The following WDR31 variants were observed in gnomAD, a reference collection of about 807,000 sequenced individuals.
WDR31 encodes the protein WD repeat domain 31.
Under a neutral mutation model 47.3 loss-of-function variants are expected in WDR31, and 30 were observed. The ratio of observed to expected loss-of-function variants is 0.63; its 90% CI spans 0.47 to 0.86. The LOEUF (loss-of-function observed/expected upper bound fraction) is 0.86, where lower values mean the gene tolerates loss of function less well. Ranked by LOEUF, WDR31 falls within the 40% of genes least tolerant of loss-of-function variation. The probability of loss-of-function intolerance (pLI) is 0.00; values close to 1 mark genes in which losing one functional copy is unlikely to be tolerated. For missense variants in WDR31, 406 were observed against 442.9 expected (o/e 0.92, Z 0.75); for synonymous variants, 137 against 159.4 (o/e 0.86, Z 1.06).
intron 5 of WDR31, among the ~76,000 whole-genome samples, chr9:113,324,637 G>C (rs1299208304): frequency 1.3e-5 from 2 of 151,958 alleles, no homozygotes; most frequent in African/African-American, 4.8e-5. Context: ...TGATCTACCT[G>C]CCTGGGCCTC....
At position 113,323,173 on chromosome 9, in the gene WDR31, A is replaced by G. The variant is rs746613219; in HGVS notation, c.325-18T>C. ...CAGGCTACCTGCTCAGGGAAAAAAC[A>G]ACAACACTGAAATAGCTCTGGTATG... On this transcript the variant is annotated intron_variant, in intron 5 of 10. Coordinates refer to ENST00000374193, the MANE Select transcript of WDR31 (RefSeq NM_001012361.4). 1.9e-6 allele frequency: 3 copies of G among 1,609,410 alleles called. No homozygotes were observed. Among genetic ancestry groups the G allele is most frequent in the Non-Finnish European group, 2.5e-6 (3 of 1,177,816 alleles).
chr9:113,334,728 T>TTC (rs1833681609), intron 2 of WDR31, among the ~76,000 whole-genome samples: 1 of 84,426 alleles, frequency 1.2e-5, no homozygotes, highest in Non-Finnish European at 2.6e-5. Flanking sequence ...TTTTTTTTTT[T>TTC]GTATTTTTAG....
In WDR31 at chr9:113,320,343, A is replaced by T. The variant is rs1204921632; in HGVS notation, c.780+14T>A. The T allele has an allele frequency of 6.2e-7, 1 of 1,613,448 alleles. No individual in the cohort carries two copies. Among genetic ancestry groups the T allele is most frequent in the Non-Finnish European group, 8.5e-7 (1 of 1,179,600 alleles). On this transcript the variant is annotated intron_variant, in intron 9 of 10. Transcript: ENST00000374193. ...ATCAGCAACCAGATACCTGGACCTCACACAGTCTCCTACCGTGGCTTCACA... is the reference window on the plus strand; with the variant it reads ...ATCAGCAACCAGATACCTGGACCTCTCACAGTCTCCTACCGTGGCTTCACA...
At chr9:113,339,758 G>A (rs1023247780) in intron 1 of WDR31, among the ~76,000 whole-genome samples, 8 of 152,198 alleles carry the variant, frequency 5.3e-5, no homozygotes, top group African/African-American at 1.7e-4. Context: ...TCAAGAGACG[G>A]AGTCTCGAGT....
intron 5 of WDR31, among the ~76,000 whole-genome samples, chr9:113,326,137 C>T (rs1332247047): frequency 6.6e-6 from 1 of 152,216 alleles, no homozygotes; most frequent in African/African-American, 2.4e-5. Flanking sequence ...TCTTGAATTC[C>T]TGACCTCAGG....
In WDR31 at chr9:113,323,038, C is replaced by T. The variant is rs755855676; in HGVS notation, c.442G>A (p.Val148Met). ...GGACTCACAGCCAATCCGGTGACCA[C>T]CATGGCATGGCCACACAATTGCTGC... ...PRQQLCGHAM[V>M]VTGLAVSPDS... Residue 148 changes from valine to methionine, a missense_variant, in exon 6 of 11, where the codon GTG (valine) becomes ATG (methionine). Val to Met is a conservative substitution (Grantham distance 21). Transcript: ENST00000374193. 4.3e-6 allele frequency: 7 copies of T among 1,614,166 alleles called. No individual in the cohort carries two copies. In the Admixed American group the frequency reaches 6.7e-5, roughly 15 times the overall value.
At chr9:113,317,209 A>C (rs1474061142) in intron 10 of WDR31, among the ~76,000 whole-genome samples, 1 of 152,150 alleles carries the variant, frequency 6.6e-6, no homozygotes, top group African/African-American at 2.4e-5. Context: ...TGCCCAGAGA[A>C]TAAAGCAGGG....
At chr9:113,323,387 G>A (rs929305320) in intron 5 of WDR31, among the ~76,000 whole-genome samples, 4 of 151,902 alleles carry the variant, frequency 2.6e-5, no homozygotes, top group African/African-American at 2.4e-5. Flanking sequence ...TCAGCCTCCC[G>A]GGTGGCTGGG....
intron 7 of WDR31, among the ~76,000 whole-genome samples, chr9:113,322,053 A>AG (rs1833337025): frequency 1.3e-5 from 2 of 152,044 alleles, no homozygotes; most frequent in South Asian, 4.2e-4. Flanking sequence ...GCATGGGGCA[A>AG]GCATATCTGA....
chr9:113,326,304 T>C (rs1366952839), intron 5 of WDR31, among the ~76,000 whole-genome samples: 1 of 152,248 alleles, frequency 6.6e-6, no homozygotes, highest in Non-Finnish European at 1.5e-5. Flanking sequence ...GTCTTCCCAT[T>C]GCCTTTACAC....
intron 2 of WDR31, among the ~76,000 whole-genome samples, chr9:113,334,577 T>TCACC (rs1833676248): frequency 6.6e-6 from 1 of 152,028 alleles, no homozygotes; most frequent in Non-Finnish European, 1.5e-5. Context: ...TTCACTCTTG[T>TCACC]CACCCAGGCT....
intron 2 of WDR31, among the ~76,000 whole-genome samples, chr9:113,334,338 C>T (rs1833671278): frequency 6.6e-6 from 1 of 152,094 alleles, no homozygotes; most frequent in African/African-American, 2.4e-5. Flanking sequence ...CAATTGTCTC[C>T]TTTTTAAGGC....
At chr9:113,326,374 TTC>T (rs1187139288) in intron 5 of WDR31, among the ~76,000 whole-genome samples, 3 of 151,436 alleles carry the variant, frequency 2.0e-5, no homozygotes, top group Non-Finnish European at 4.4e-5. Flanking sequence ...TTTCCTTTCT[TTC>T]TTTCTCTTTC....
chr9:113,321,776 A>G (rs1410639762), intron 7 of WDR31, among the ~76,000 whole-genome samples, 198 bp from the exon 8 acceptor site: 2 of 152,188 alleles, frequency 1.3e-5, no homozygotes, highest in African/African-American at 4.8e-5. Context: ...CAGCAGCAAG[A>G]TAACAGCTGG....
chr9:113,328,770 C>T (rs1833530878), intron 5 of WDR31, 111 bp downstream of exon 5: 1 of 918,064 alleles, frequency 1.1e-6, no homozygotes, highest in Admixed American at 2.1e-5. Flanking sequence ...ATCAAACAAA[C>T]CTTTGCATTT....
At chr9:113,333,253 T>C (rs1362844090) in intron 2 of WDR31, among the ~76,000 whole-genome samples, 1 of 139,024 alleles carries the variant, frequency 7.2e-6, no homozygotes, top group Non-Finnish European at 1.7e-5. Context: ...TCTGCCACAA[T>C]AAAATAAATA....
intron 1 of WDR31, among the ~76,000 whole-genome samples, chr9:113,339,887 AC>A (rs1164290178): frequency 6.6e-6 from 1 of 151,908 alleles, no homozygotes; most frequent in African/African-American, 2.4e-5. Context: ...GGCGCACGGC[AC>A]CACTCCCGGC....
chr9:113,335,378 TG>T (rs1434518958), intron 2 of WDR31, among the ~76,000 whole-genome samples: 1 of 152,184 alleles, frequency 6.6e-6, no homozygotes, highest in Non-Finnish European at 1.5e-5. Context: ...TGCGACTGGC[TG>T]TGATATCAGA....
At chr9:113,330,427 A>G (rs1178747257) in intron 4 of WDR31, among the ~76,000 whole-genome samples, 1 of 152,222 alleles carries the variant, frequency 6.6e-6, no homozygotes, top group Non-Finnish European at 1.5e-5. Context: ...CACTACAAAA[A>G]GAATTAGCAG....
Sources: gnomAD v4.1 joint callset for allele counts (sites outside exome capture counted in the v4.1 genomes callset) on GRCh38, gnomAD v4.1.1 for gene constraint, MANE v1.5 for transcripts, NCBI Gene and HGNC (gene_info 2026-07-23, HGNC 2026-07-21) for gene names.